Variants in STAM observed in about 807,000 individuals in gnomAD.
The protein encoded by STAM is signal transducing adaptor molecule.
A neutral mutation model predicts 63.4 loss-of-function variants in STAM; 16 were observed. That is an observed-to-expected ratio of 0.25 (90% confidence interval 0.17 to 0.38). The LOEUF is 0.38. Among genes scored for constraint, STAM ranks in the 10% least tolerant of loss-of-function variants. The pLI is 1.00. For missense variants in STAM, 636 were observed against 657.1 expected (o/e 0.97, Z 0.35); for synonymous variants, 238 against 223.9 (o/e 1.06, Z -0.56).
intron 5 of STAM, 85 bp from the exon 6 acceptor site, chr10:17,693,137 G>A: frequency 1.7e-6 from 2 of 1,175,136 alleles, no homozygotes; most frequent in South Asian, 1.4e-5. Context: ...AGATTGATGA[G>A]AAAGGTTTTG....
chr10:17,671,682 C>CATAGGTTATTAGAGGTTA (rs1274710821), intron 2 of STAM, among the ~76,000 whole-genome samples: 1 of 152,168 alleles, frequency 6.6e-6, no homozygotes. Context: ...TTTAGTCTGA[C>CATAGGTTATTAGAGGTTA]ATAGGTTATT....
chr10:17,690,613 A>G (rs549799705), intron 5 of STAM, among the ~76,000 whole-genome samples: 4 of 152,318 alleles, frequency 2.6e-5, no homozygotes, highest in East Asian at 1.9e-4. Context: ...TTTTAAAGCC[A>G]CTTAGTTACT....
At chr10:17,711,051 G>C (rs1253354595) in intron 13 of STAM, among the ~76,000 whole-genome samples, 1 of 152,184 alleles carries the variant, frequency 6.6e-6, no homozygotes, top group Non-Finnish European at 1.5e-5. Flanking sequence ...CCTTACTAGA[G>C]GTGTCCTGCG....
chr10:17,671,343 A>AT (rs1554824065), intron 2 of STAM, among the ~76,000 whole-genome samples: 1 of 152,236 alleles, frequency 6.6e-6, no homozygotes, highest in East Asian at 1.9e-4. Flanking sequence ...AAAATGAAAC[A>AT]TTTTTGTGCT....
At chr10:17,667,658 T>C (rs1554823601) in intron 2 of STAM, among the ~76,000 whole-genome samples, 1 of 152,232 alleles carries the variant, frequency 6.6e-6, no homozygotes, top group Non-Finnish European at 1.5e-5. Flanking sequence ...AATAAACAGA[T>C]ACTAACAGAT....
chr10:17,709,202 C>G (rs1554829806), intron 13 of STAM, among the ~76,000 whole-genome samples: 1 of 152,146 alleles, frequency 6.6e-6, no homozygotes, highest in South Asian at 2.1e-4. Flanking sequence ...CTACTCTAAC[C>G]ATAAGTTTTT....
At chr10:17,652,288 T>A (rs1353683144) in intron 1 of STAM, among the ~76,000 whole-genome samples, 1 of 152,214 alleles carries the variant, frequency 6.6e-6, no homozygotes, top group Non-Finnish European at 1.5e-5. Flanking sequence ...AGAAGAATTG[T>A]GCCACTGATT....
intron 2 of STAM, among the ~76,000 whole-genome samples, chr10:17,672,824 T>C (rs1554824209): frequency 1.3e-5 from 2 of 150,302 alleles, no homozygotes; most frequent in African/African-American, 4.9e-5. Flanking sequence ...TTCTGTGACA[T>C]CTTACAGCAG....
At chr10:17,668,547 C>T (rs980304378) in intron 2 of STAM, among the ~76,000 whole-genome samples, 4 of 152,134 alleles carry the variant, frequency 2.6e-5, no homozygotes, top group South Asian at 2.1e-4. Context: ...TGTAATGCCA[C>T]GTATCTGTCA....
chr10:17,645,122 T>C (rs972873996), intron 1 of STAM, among the ~76,000 whole-genome samples: 4 of 152,234 alleles, frequency 2.6e-5, no homozygotes, highest in Non-Finnish European at 5.9e-5. Flanking sequence ...TTTTGGTTTT[T>C]AATTTTATTT....
At chr10:17,663,585 C>A (rs1834261443) in intron 2 of STAM, among the ~76,000 whole-genome samples, 1 of 151,940 alleles carries the variant, frequency 6.6e-6, no homozygotes, top group African/African-American at 2.4e-5. Flanking sequence ...CACTTACTCA[C>A]TTAGTTTTGA....
At position 17,693,907 on chromosome 10, in the gene STAM, A is replaced by T. The variant is rs572827727; in HGVS notation, c.535+595A>T. Among the ~76,000 whole-genome samples, 52 of 152,254 alleles carry T rather than the reference A, an allele frequency of 3.4e-4. No homozygotes were observed. In the South Asian group the frequency reaches 0.011, roughly 31 times the overall value. ...AATGGTTGTTATGATTTCCTTTTCCATTGGCAGTGTATGAAAGCTATTATT... is the reference window on the plus strand; with the variant it reads ...AATGGTTGTTATGATTTCCTTTTCCTTTGGCAGTGTATGAAAGCTATTATT... On this transcript the variant is annotated intron_variant, in intron 6 of 13. Coordinates refer to ENST00000377524, the MANE Select transcript of STAM (RefSeq NM_003473.4).
chr10:17,680,184 C>A (rs1402816381), intron 2 of STAM, among the ~76,000 whole-genome samples: 1 of 152,022 alleles, frequency 6.6e-6, no homozygotes, highest in Admixed American at 6.5e-5. Context: ...GATTTGAGAT[C>A]TTTTTCCCCA....
chr10:17,681,680 G>A (rs1554825394), intron 2 of STAM, among the ~76,000 whole-genome samples: 1 of 152,162 alleles, frequency 6.6e-6, no homozygotes, highest in Non-Finnish European at 1.5e-5. Flanking sequence ...CCCTGTTTAT[G>A]TTATCTGAAT....
At chr10:17,644,679 G>T (rs782214355) in intron 1 of STAM, among the ~76,000 whole-genome samples, 5 of 152,186 alleles carry the variant, frequency 3.3e-5, no homozygotes, top group Non-Finnish European at 7.3e-5. Context: ...CTGGTGCAGG[G>T]ACTGTGCTTC....
At chr10:17,682,989 T>C (rs1769756086) in intron 2 of STAM, among the ~76,000 whole-genome samples, 1 of 152,220 alleles carries the variant, frequency 6.6e-6, no homozygotes, top group Non-Finnish European at 1.5e-5. Flanking sequence ...CTGTCTCTCT[T>C]TATCCCTGTT....
chr10:17,655,542 C>A (rs2131571808), intron 1 of STAM, among the ~76,000 whole-genome samples: 1 of 152,256 alleles, frequency 6.6e-6, no homozygotes, highest in East Asian at 1.9e-4. Context: ...GTATTATACA[C>A]CTGTAAAATA....
intron 2 of STAM, among the ~76,000 whole-genome samples, chr10:17,671,185 A>G (rs1167562057): frequency 6.6e-6 from 1 of 152,218 alleles, no homozygotes; most frequent in Admixed American, 6.5e-5. Flanking sequence ...ATGCATGCAC[A>G]TACTCCTCCT....
At chr10:17,701,117 AC>A (rs1554828384) in intron 9 of STAM, among the ~76,000 whole-genome samples, 2 of 152,234 alleles carry the variant, frequency 1.3e-5, no homozygotes, top group Non-Finnish European at 2.9e-5. Flanking sequence ...ACATAATGGT[AC>A]CCAAATTGGT....
Sources: allele counts gnomAD v4.1 joint callset (sites outside exome capture counted in the v4.1 genomes callset), GRCh38; gene constraint gnomAD v4.1.1; transcripts MANE v1.5; gene names NCBI Gene and HGNC (gene_info 2026-07-23, HGNC 2026-07-21).